PDSS1: variants seen among roughly 807,000 people sequenced by gnomAD.
The protein encoded by PDSS1 is decaprenyl diphosphate synthase subunit 1.
In PDSS1, 43 loss-of-function variants were observed where a neutral mutation model predicts 57.5. The observed-to-expected ratio is 0.75, with a 90% confidence interval of 0.59 to 0.96. The LOEUF is 0.96. Among genes scored for constraint, PDSS1 ranks in the 50% least tolerant of loss-of-function variants. PDSS1 has a pLI of 0.00. For synonymous variants in PDSS1, 175 were observed against 191.3 expected, an observed-to-expected ratio of 0.91 and a Z score of 0.70; for missense variants, 438 against 527.8, an observed-to-expected ratio of 0.83 and a Z score of 1.67.
chr10:26,741,473 A>T (rs1353083655), intron 10 of PDSS1, among the ~76,000 whole-genome samples: 12 of 152,120 alleles, frequency 7.9e-5, no homozygotes, highest in African/African-American at 2.4e-4. Context: ...GTGATGGAGC[A>T]AGACTCCATC....
In PDSS1 at chr10:26,709,877, G is replaced by T; in HGVS notation, c.467+109G>T. 4.1e-6 allele frequency: 5 copies of T among 1,209,658 alleles called. No homozygotes were observed. In the South Asian group the frequency reaches 4.9e-5, roughly 12 times the overall value. 74.9% of individuals were successfully genotyped at this position (1,209,658 alleles called of 1,614,324 possible). On this transcript the variant is annotated intron_variant, in intron 5 of 11. Transcript: ENST00000376215. The stretch of plus-strand genomic sequence containing the variant: ...TTAAGAATTAGCATATACCGGCTGG[G>T]CATGGTGGCTCATGCCTATAATCCC...
At chr10:26,705,422 ATGT>A (rs759579500) in intron 4 of PDSS1, 28 bp downstream of exon 4, 7 of 1,026,456 alleles carry the variant, frequency 6.8e-6, no homozygotes, top group African/African-American at 1.6e-5. Context: ...CTGTGATGTA[ATGT>A]TTTAGCTTAC....
At chr10:26,740,735 G>A (rs796832173) in intron 10 of PDSS1, 61 of 456,074 alleles carry the variant, frequency 1.3e-4, no homozygotes, top group African/African-American at 1.1e-3. Context: ...GCCATAGACT[G>A]TTAGAGCTCA....
At chr10:26,699,256 AGGAAGGTAG>A in intron 1 of PDSS1, among the ~76,000 whole-genome samples, 1 of 152,288 alleles carries the variant, frequency 6.6e-6, no homozygotes, top group East Asian at 1.9e-4. Flanking sequence ...GGCTTAGAGG[AGGAAGGTAG>A]GCTTTGCTGT....
intron 8 of PDSS1, among the ~76,000 whole-genome samples, chr10:26,729,592 G>C (rs570736294): frequency 1.3e-5 from 2 of 152,254 alleles, no homozygotes; most frequent in East Asian, 3.9e-4. Flanking sequence ...TACCATAGGA[G>C]TTTACAAATT....
chr10:26,714,477 A>G (rs968286803), intron 5 of PDSS1: 2 of 152,174 alleles, frequency 1.3e-5, no homozygotes, highest in African/African-American at 4.8e-5. Flanking sequence ...AAAAAAAAAA[A>G]AAAAAGAAAA....
chr10:26,700,690 TTCC>T (rs1389057736), intron 1 of PDSS1, among the ~76,000 whole-genome samples: 1 of 152,122 alleles, frequency 6.6e-6, no homozygotes, highest in East Asian at 1.9e-4. Flanking sequence ...CTTCTCCTTC[TTCC>T]ACCATGATTC....
intron 11 of PDSS1, among the ~76,000 whole-genome samples, chr10:26,745,872 A>C (rs1227485458): frequency 6.6e-6 from 1 of 151,922 alleles, no homozygotes. Flanking sequence ...GAAAAAAAAA[A>C]CTATTGGATA....
intron 5 of PDSS1, among the ~76,000 whole-genome samples, chr10:26,719,963 C>T (rs775539104): frequency 6.6e-6 from 1 of 152,166 alleles, no homozygotes; most frequent in Non-Finnish European, 1.5e-5. Flanking sequence ...GACTTCTGAT[C>T]GTTTACTGTT....
chr10:26,700,152 A>G (rs1835000324), intron 1 of PDSS1, among the ~76,000 whole-genome samples: 1 of 150,998 alleles, frequency 6.6e-6, no homozygotes, highest in African/African-American at 2.4e-5. Flanking sequence ...ATCACTTCTC[A>G]ATATATCTTT....
At chr10:26,727,911 G>T (rs774277940) in intron 8 of PDSS1, among the ~76,000 whole-genome samples, 15 of 152,048 alleles carry the variant, frequency 9.9e-5, no homozygotes, top group Non-Finnish European at 2.1e-4. Flanking sequence ...TCTCAGTCGG[G>T]CTTCTCTGAT....
chr10:26,740,742 C>T (rs1836568318), intron 10 of PDSS1: 1 of 454,716 alleles, frequency 2.2e-6, no homozygotes, highest in African/African-American at 2.0e-5. Flanking sequence ...ACTGTTAGAG[C>T]TCAAGGGCTT....
rs146521544 is a variant in PDSS1, at chr10:26,739,158, G to T, written c.1027-3339G>T. Among the ~76,000 whole-genome samples the T allele has an allele frequency of 3.9e-5, 6 of 152,276 alleles. No individual in the cohort carries two copies. In the East Asian group the frequency reaches 9.6e-4, roughly 24 times the overall value. On this transcript the variant is annotated intron_variant, in intron 10 of 11. Coordinates refer to ENST00000376215, the MANE Select transcript of PDSS1 (RefSeq NM_014317.5). ...CCTGCACCAGCTGCACAGGCCTTAT[G>T]CTATCGTGGTGACTAGTTGGTGCCT...
intron 5 of PDSS1, among the ~76,000 whole-genome samples, chr10:26,719,704 G>A (rs1378068488): frequency 6.6e-6 from 1 of 152,140 alleles, no homozygotes; most frequent in Non-Finnish European, 1.5e-5. Flanking sequence ...GGGAGGCGAA[G>A]GTTGTGAGCC....
intron 5 of PDSS1, among the ~76,000 whole-genome samples, chr10:26,709,996 C>CA (rs988300072): frequency 5.3e-5 from 8 of 151,186 alleles, no homozygotes; most frequent in Non-Finnish European, 1.0e-4. Flanking sequence ...ACTAAAAATA[C>CA]AAAAAAAATT....
At chr10:26,722,003 C>A (rs539546201) in intron 6 of PDSS1, among the ~76,000 whole-genome samples, 52 of 152,310 alleles carry the variant, frequency 3.4e-4, no homozygotes, top group African/African-American at 1.2e-3. Flanking sequence ...CCTTGTTAGG[C>A]CTGGCCTGGG....
chr10:26,704,049 T>A (rs1309464048), intron 2 of PDSS1, among the ~76,000 whole-genome samples: 2 of 105,100 alleles, frequency 1.9e-5, no homozygotes, highest in African/African-American at 7.0e-5. Flanking sequence ...GCCACTGCAC[T>A]CCAGCCTGGA....
In PDSS1 at chr10:26,740,841, C is replaced by T. The variant is rs531386436; in HGVS notation, c.1027-1656C>T. On this transcript the variant is annotated intron_variant, in intron 10 of 11. Coordinates refer to ENST00000376215, the MANE Select transcript of PDSS1 (RefSeq NM_014317.5). ...TGGTAGCCAAACCAAGACTAGAGTT[C>T]GGATCTAGGAAGTGAAGTGATTTGG... The T allele has an allele frequency of 8.1e-5, 29 of 360,078 alleles. No homozygotes were observed. In the East Asian group the frequency reaches 1.6e-3, roughly 20 times the overall value. 22.3% of individuals were successfully genotyped at this position (360,078 alleles called of 1,614,324 possible).
chr10:26,709,679 G>A lies in PDSS1; in HGVS notation c.378G>A (p.Glu126=). ...ISTSELKEMS[E]YYFDGKGKAF... is the part of the protein sequence containing the mutation. ...CATCAGAACTTAAGGAAATGTCTGA[G>A]TACTACTTTGATGGGAAAGGGAAAG... Residue 126 remains glutamate, a synonymous_variant, in exon 5 of 12, where the codon GAG becomes GAA. Transcript: ENST00000376215. 1 of 1,613,256 alleles carries A rather than the reference G, an allele frequency of 6.2e-7. No individual in the cohort carries two copies. Among genetic ancestry groups the A allele is most frequent in the African/African-American group, 1.3e-5 (1 of 75,016 alleles).
Sources: allele counts gnomAD v4.1 joint callset (sites outside exome capture counted in the v4.1 genomes callset), GRCh38; gene constraint gnomAD v4.1.1; transcripts MANE v1.5; gene names NCBI Gene and HGNC (gene_info 2026-07-23, HGNC 2026-07-21).